Variants in ICA1L observed in about 807,000 individuals in gnomAD.
The protein encoded by ICA1L is islet cell autoantigen 1 like.
ICA1L carries 50 observed loss-of-function variants against 61.3 expected under a neutral mutation model. The ratio of observed to expected loss-of-function variants is 0.82; its 90% confidence interval spans 0.65 to 1.03. The LOEUF (loss-of-function observed/expected upper bound fraction) is 1.03. Among genes scored for constraint, ICA1L ranks in the 50% least tolerant of loss-of-function variants. The pLI is 0.00. For missense variants in ICA1L, 508 were observed against 556.7 expected (o/e 0.91, Z 0.88); for synonymous variants, 161 against 191.3 (o/e 0.84, Z 1.31).
At chr2:202,850,483 G>A (rs1574378403) in intron 1 of ICA1L, among the ~76,000 whole-genome samples, 3 of 152,080 alleles carry the variant, frequency 2.0e-5, no homozygotes, top group African/African-American at 7.2e-5. Flanking sequence ...AGAGAACTTC[G>A]TGAAGCATTC....
chr2:202,863,264 C>G (rs559841850), intron 1 of ICA1L, among the ~76,000 whole-genome samples: 1 of 151,632 alleles, frequency 6.6e-6, no homozygotes, highest in African/African-American at 2.4e-5. Context: ...TGCACTCCAG[C>G]CTAGGTGACA....
chr2:202,838,436 A>G (rs1194720684), intron 1 of ICA1L, among the ~76,000 whole-genome samples: 1 of 152,202 alleles, frequency 6.6e-6, no homozygotes, highest in Non-Finnish European at 1.5e-5. Context: ...TATATGTTAT[A>G]TCCATTTGGT....
At position 202,774,032 on chromosome 2, in the gene ICA1L, T is replaced by C; in HGVS notation, c.*5501A>G. The C allele has an allele frequency of 2.3e-6, 2 of 873,550 alleles. No homozygotes were observed. The highest frequency in any genetic ancestry group is 3.6e-6 in the Non-Finnish European group (2 of 553,008). 54.1% of individuals were successfully genotyped at this position (873,550 alleles called of 1,614,324 possible). ...ATTTTTTTAAATTATGAACTAGCGC[T>C]GCTCCACTTCTTGCTTCTTTGATGT... On this transcript the variant is annotated 3_prime_UTR_variant, in exon 13 of 13. Coordinates refer to ENST00000358299, the MANE Select transcript of ICA1L (RefSeq NM_001288622.3).
chr2:202,866,818 G>T (rs763091676), intron 1 of ICA1L, among the ~76,000 whole-genome samples: 1 of 152,044 alleles, frequency 6.6e-6, no homozygotes, highest in Non-Finnish European at 1.5e-5. Context: ...GAGGTGGCAG[G>T]CTCCTGTAGT....
intron 1 of ICA1L, among the ~76,000 whole-genome samples, chr2:202,842,066 G>T (rs1437666448): frequency 1.3e-5 from 2 of 151,916 alleles, no homozygotes; most frequent in African/African-American, 2.4e-5. Flanking sequence ...TGTTGGCCAG[G>T]CTGGTCTCGA....
intron 8 of ICA1L, 89 bp from the exon 9 acceptor site, chr2:202,811,878 A>T (rs1205006377): frequency 1.8e-5 from 16 of 909,978 alleles, no homozygotes; most frequent in Middle Eastern, 2.5e-4. Flanking sequence ...GGTTAAAAAA[A>T]TTTTCTACTC....
At chr2:202,844,886 C>T (rs187933325) in intron 1 of ICA1L, among the ~76,000 whole-genome samples, 8 of 152,312 alleles carry the variant, frequency 5.3e-5, no homozygotes, top group Non-Finnish European at 1.0e-4. Context: ...AGTTGTCAGA[C>T]GGCTGCATTT....
rs1269477980 is a variant in ICA1L at position 202,867,263 on chromosome 2, A to T, written c.-8+4356T>A. On this transcript the variant is annotated intron_variant, in intron 1 of 12. Transcript: ENST00000358299. ...TAACAAAAGATATTCATATACAGTC[A>T]TGCATTGCTTAACTGTGGGGATATG... Among the ~76,000 whole-genome samples the T allele has an allele frequency of 1.3e-5, 2 of 152,224 alleles. 1 individual carries two copies. The highest frequency in any genetic ancestry group is 1.3e-4 in the Admixed American group (2 of 15,278).
chr2:202,823,051 T>C (rs1237440434), intron 3 of ICA1L, among the ~76,000 whole-genome samples: 1 of 152,238 alleles, frequency 6.6e-6, no homozygotes, highest in African/African-American at 2.4e-5. Flanking sequence ...CATTTGGGTA[T>C]GGTGGTTCAG....
intron 8 of ICA1L, among the ~76,000 whole-genome samples, chr2:202,812,512 G>T (rs781425347): frequency 1.3e-5 from 2 of 152,134 alleles, no homozygotes; most frequent in Non-Finnish European, 2.9e-5. Context: ...GGGAGGTGGA[G>T]GTTGCAGTGA....
intron 12 of ICA1L, among the ~76,000 whole-genome samples, chr2:202,783,801 C>G (rs764374723): frequency 6.6e-6 from 1 of 151,598 alleles, no homozygotes; most frequent in Non-Finnish European, 1.5e-5. Flanking sequence ...AAAGAATGTC[C>G]TTGTTTTTAG....
At chr2:202,780,004 AAAT>A (rs1692350307) in intron 12 of ICA1L, among the ~76,000 whole-genome samples, 1 of 152,108 alleles carries the variant, frequency 6.6e-6, no homozygotes, top group South Asian at 2.1e-4. Flanking sequence ...GCCTATATTT[AAAT>A]AATTGTATGC....
At chr2:202,830,956 G>A (rs144593696) in intron 1 of ICA1L, among the ~76,000 whole-genome samples, 1 of 152,244 alleles carries the variant, frequency 6.6e-6, no homozygotes, top group Non-Finnish European at 1.5e-5. Context: ...TATGCTATTT[G>A]AGATCTACCT....
chr2:202,850,832 T>C (rs1430913625), intron 1 of ICA1L, among the ~76,000 whole-genome samples: 1 of 151,828 alleles, frequency 6.6e-6, no homozygotes, highest in Non-Finnish European at 1.5e-5. Context: ...CCAAGACATA[T>C]AATTGTCAGA....
rs11274512 is a variant in ICA1L, at chr2:202,847,703, A to ATATATATG, written c.-7-18688_-7-18687insCATATATA. ...GAAATATTATATGGGAATTATATAT[A>ATATATATG]TATATAGTTAAGCAGTGAGAACAAA... On this transcript the variant is annotated intron_variant, in intron 1 of 12. Coordinates refer to ENST00000358299, the MANE Select transcript of ICA1L (RefSeq NM_001288622.3). 1.9e-4 allele frequency among the ~76,000 whole-genome samples: 25 copies of ATATATATG among 131,260 alleles called. 1 individual carries two copies. The highest frequency in any genetic ancestry group is 6.6e-4 in the African/African-American group (23 of 34,970). 86.1% of individuals were successfully genotyped at this position (131,260 alleles called of 152,430 possible).
intron 1 of ICA1L, among the ~76,000 whole-genome samples, chr2:202,829,649 A>G (rs1284159257): frequency 6.6e-6 from 1 of 152,164 alleles, no homozygotes; most frequent in Non-Finnish European, 1.5e-5. Context: ...TACTTGCTTT[A>G]TATGGTCTAA....
chr2:202,821,268 A>G (rs1324379502), intron 4 of ICA1L, 90 bp downstream of exon 4: 1 of 1,276,478 alleles, frequency 7.8e-7, no homozygotes, highest in Non-Finnish European at 1.1e-6. Context: ...TAGAATGAAC[A>G]GTGACCTTTA....
At chr2:202,818,023 C>T (rs925912191) in intron 5 of ICA1L, among the ~76,000 whole-genome samples, 9 of 152,030 alleles carry the variant, frequency 5.9e-5, no homozygotes, top group Non-Finnish European at 1.2e-4. Context: ...GAATACTCAA[C>T]CTTTTAATAT....
At chr2:202,822,003 G>A (rs1693717190) in intron 3 of ICA1L, among the ~76,000 whole-genome samples, 1 of 152,170 alleles carries the variant, frequency 6.6e-6, no homozygotes, top group Admixed American at 6.5e-5. Context: ...TGTAGGCCAT[G>A]GACCAGTATT....
Sources: allele counts gnomAD v4.1 joint callset (sites outside exome capture counted in the v4.1 genomes callset), GRCh38; gene constraint gnomAD v4.1.1; transcripts MANE v1.5; gene names NCBI Gene and HGNC (gene_info 2026-07-23, HGNC 2026-07-21).